ANO3: variants seen among roughly 807,000 people sequenced by gnomAD.
ANO3 encodes anoctamin 3, also known as anoctamin-3.
A neutral mutation model predicts 144.8 loss-of-function variants in ANO3; 99 were observed. That is an observed-to-expected ratio of 0.68 (90% CI 0.58 to 0.81). ANO3 has a LOEUF of 0.81. Among genes scored for constraint, ANO3 ranks in the 30% least tolerant of loss-of-function variants. The pLI, the probability that ANO3 is intolerant of heterozygous loss-of-function variation, is 0.00. For missense variants in ANO3, 905 were observed against 1,202.2 expected (o/e 0.75, Z 3.66); for synonymous variants, 414 against 392.6 (o/e 1.05, Z -0.64).
At chr11:26,549,419 T>C (rs1000020649) in intron 12 of ANO3, among the ~76,000 whole-genome samples, 1 of 152,074 alleles carries the variant, frequency 6.6e-6, no homozygotes, top group Middle Eastern at 3.4e-3. Flanking sequence ...GTAGGTGTTA[T>C]CATGGTGGGT....
At chr11:26,353,726 G>C (rs551995417) in intron 1 of ANO3, among the ~76,000 whole-genome samples, 1 of 152,094 alleles carries the variant, frequency 6.6e-6, no homozygotes, top group African/African-American at 2.4e-5. Flanking sequence ...GCGCCACCGC[G>C]TCAGGCTAAT....
chr11:26,430,009 G>A (rs753732303), intron 1 of ANO3, among the ~76,000 whole-genome samples: 22 of 152,002 alleles, frequency 1.4e-4, no homozygotes, highest in Non-Finnish European at 2.4e-4. Context: ...AGGCCAAAGC[G>A]GGGAGATCTC....
chr11:26,363,430 C>A (rs1855979632), intron 1 of ANO3, among the ~76,000 whole-genome samples: 1 of 150,456 alleles, frequency 6.6e-6, no homozygotes, highest in South Asian at 2.1e-4. Context: ...GGGCCTCTCT[C>A]CTTGACGTGC....
chr11:26,344,037 A>T (rs983599797), intron 1 of ANO3, among the ~76,000 whole-genome samples: 2 of 152,204 alleles, frequency 1.3e-5, no homozygotes, highest in African/African-American at 4.8e-5. Context: ...ACGTACCTTT[A>T]AGTTTCAGAA....
Position 26,508,236 on chromosome 11 carries a change from G to A in ANO3, c.565G>A (p.Ala189Thr). The A allele has an allele frequency of 1.3e-6, 2 of 1,596,648 alleles. No homozygotes were observed. The highest frequency in any genetic ancestry group is 1.1e-5 in the South Asian group (1 of 87,308). Residue 189 changes from alanine (A) to threonine (T), a missense_variant, in exon 5 of 27, where the codon GCA becomes ACA. This residue lies in a region of ANO3 where 63 missense variants were observed against 107.3 expected (regional missense o/e 0.59). Coordinates refer to ENST00000256737, the MANE Select transcript of ANO3 (RefSeq NM_031418.4). ...KRNTFEKNLRAEGLMLEKEPA... is the reference protein window; with the variant it reads ...KRNTFEKNLRTEGLMLEKEPA... Reference sequence around the variant, plus strand: ...AAACACATTTGAAAAGAACCTCAGAGCAGAAGGCTTGATGTTGGAGAAGGA... The same window carrying A: ...AAACACATTTGAAAAGAACCTCAGAACAGAAGGCTTGATGTTGGAGAAGGA...
chr11:26,291,116 A>C (rs1853946674), intron 1 of ANO3, among the ~76,000 whole-genome samples: 1 of 152,220 alleles, frequency 6.6e-6, no homozygotes, highest in South Asian at 2.1e-4. Flanking sequence ...ATATATATTT[A>C]GGATAGTTAG....
chr11:26,207,012 T>C (rs67640189), intron 1 of ANO3, among the ~76,000 whole-genome samples: 45,989 of 151,646 alleles, frequency 0.3, 7,705 homozygotes, highest in Non-Finnish European at 0.37. Context: ...CTAAAACAGT[T>C]AGAGCAGGGT....
chr11:26,519,223 G>T (rs1030591045), intron 6 of ANO3, among the ~76,000 whole-genome samples: 1 of 152,142 alleles, frequency 6.6e-6, no homozygotes. Flanking sequence ...TCAGTATAAA[G>T]TTCAGTTCAG....
chr11:26,656,104 G>T (rs1853680375), intron 24 of ANO3, 21 bp from the exon 25 acceptor site: 1 of 1,566,922 alleles, frequency 6.4e-7, no homozygotes, highest in Non-Finnish European at 8.8e-7. Context: ...TGAATCACAT[G>T]ATATTTTTCT....
At chr11:26,311,609 A>G (rs1854502879) in intron 1 of ANO3, among the ~76,000 whole-genome samples, 1 of 152,232 alleles carries the variant, frequency 6.6e-6, no homozygotes, top group African/African-American at 2.4e-5. Flanking sequence ...GAGAAGGATA[A>G]GTTGCTAGGC....
At chr11:26,584,407 C>T (rs1458828811) in intron 14 of ANO3, among the ~76,000 whole-genome samples, 2 of 152,124 alleles carry the variant, frequency 1.3e-5, no homozygotes, top group Non-Finnish European at 2.9e-5. Flanking sequence ...GATCCGCCCA[C>T]CTCACCCTCC....
chr11:26,308,087 T>A (rs971273858), upstream of ANO3, among the ~76,000 whole-genome samples: 3 of 152,242 alleles, frequency 2.0e-5, no homozygotes, highest in African/African-American at 7.2e-5. Flanking sequence ...TTTCTGAACA[T>A]CTGGTCTTAG....
chr11:26,644,402 C>G (rs1853272289), intron 23 of ANO3, among the ~76,000 whole-genome samples: 1 of 152,076 alleles, frequency 6.6e-6, no homozygotes. Context: ...CAGTACTTTG[C>G]TATTATAAAC....
intron 1 of ANO3, among the ~76,000 whole-genome samples, chr11:26,245,752 G>A (rs1000900440): frequency 1.3e-5 from 2 of 152,138 alleles, no homozygotes; most frequent in African/African-American, 4.8e-5. Flanking sequence ...CCAATATCCC[G>A]ATTGGGTACA....
chr11:26,551,910 T>C (rs1037225807), intron 12 of ANO3, among the ~76,000 whole-genome samples: 2 of 152,134 alleles, frequency 1.3e-5, no homozygotes, highest in East Asian at 1.9e-4. Flanking sequence ...CTATAGTATA[T>C]GTAAGACCCA....
chr11:26,283,339 T>TATAC (rs1351025172), intron 1 of ANO3, among the ~76,000 whole-genome samples: 1 of 80,704 alleles, frequency 1.2e-5, no homozygotes, highest in Non-Finnish European at 2.6e-5. Flanking sequence ...TATATATATA[T>TATAC]ATATATATAT....
rs1853903916 is a variant in ANO3, at chr11:26,662,325, C to CA, written c.*1881_*1882insA. The CA allele has an allele frequency of 6.6e-6, 1 of 151,898 alleles. No homozygotes were observed. Among genetic ancestry groups the CA allele is most frequent in the African/African-American group, 2.4e-5 (1 of 41,356 alleles). The allele number at this position is 151,898 out of a possible 1,614,324, so 9.4% of individuals were successfully genotyped here. ...AGAGGTTCTCATGCTCCCCCCCCTC[C>CA]TTATTTGTAGCAATCGTAGCAACTA... On this transcript the variant is annotated 3_prime_UTR_variant, in exon 27 of 27. Coordinates refer to ENST00000256737, the MANE Select transcript of ANO3 (RefSeq NM_031418.4).
intron 1 of ANO3, among the ~76,000 whole-genome samples, chr11:26,299,235 G>A (rs1343972366): frequency 6.6e-6 from 1 of 152,150 alleles, no homozygotes; most frequent in African/African-American, 2.4e-5. Flanking sequence ...GTGGTATTCT[G>A]AAAGCTAAGT....
intron 14 of ANO3, among the ~76,000 whole-genome samples, chr11:26,593,373 C>T (rs1851509333): frequency 1.3e-5 from 2 of 152,124 alleles, no homozygotes; most frequent in African/African-American, 4.8e-5. Flanking sequence ...TCCCCAGTCA[C>T]AACTTAGTGT....
Sources: allele counts gnomAD v4.1 joint callset (sites outside exome capture counted in the v4.1 genomes callset), GRCh38; gene constraint gnomAD v4.1.1; regional missense constraint gnomAD v4.1.1; transcripts MANE v1.5; gene names NCBI Gene and HGNC (gene_info 2026-07-23, HGNC 2026-07-21).